Variants in ZNF423 observed in about 807,000 individuals in gnomAD.
The protein encoded by ZNF423 is zinc finger protein 423.
ZNF423 carries 12 observed loss-of-function variants against 95.8 expected under a neutral mutation model. That is an observed-to-expected ratio of 0.13 (90% confidence interval 0.08 to 0.20). ZNF423 has a LOEUF of 0.20. Among genes scored for constraint, ZNF423 ranks in the 10% least tolerant of loss-of-function variants. The pLI is 1.00. For missense variants in ZNF423, 1,316 were observed against 1,737.1 expected, an observed-to-expected ratio of 0.76 and a Z score of 4.31; for synonymous variants, 749 against 711.9, an observed-to-expected ratio of 1.05 and a Z score of -0.83.
intron 1 of ZNF423, among the ~76,000 whole-genome samples, chr16:49,849,575 G>GT (rs2035280182): frequency 6.6e-6 from 1 of 152,140 alleles, no homozygotes; most frequent in Non-Finnish European, 1.5e-5. Flanking sequence ...TAATGATGTG[G>GT]TTGCCTTTGA....
intron 1 of ZNF423, among the ~76,000 whole-genome samples, chr16:49,843,841 C>A (rs988636721): frequency 6.6e-6 from 1 of 152,042 alleles, no homozygotes; most frequent in African/African-American, 2.4e-5. Context: ...GACCACCCCC[C>A]CTCCAAAGAT....
chr16:49,635,617 C>A lies in ZNF423; in HGVS notation c.3516+43G>T, dbSNP rs781194155. 3 of 1,511,426 alleles carry A rather than the reference C, an allele frequency of 2.0e-6. No individual in the cohort carries two copies. In the Admixed American group the frequency reaches 7.1e-5, roughly 36 times the overall value. The allele number at this position is 1,511,426 out of a possible 1,614,324, so 93.6% of individuals were successfully genotyped here. A position where few individuals can be genotyped will look rare whatever the true frequency, so the allele number is the denominator to read the frequency against. On this transcript the variant is annotated intron_variant, in intron 4 of 7. Transcript: ENST00000563137. This position sits in a 1 kb window ranked among gnomAD's most constrained non-coding sequence, Gnocchi z 4.8. ...GCTCCTGTGGGGACCAGAGGAGCCC[C>A]AAGGAGAGGAGCAGGGAGCAGGATG...
At chr16:49,596,722 G>A (rs1020406123) in intron 5 of ZNF423, among the ~76,000 whole-genome samples, 4 of 151,988 alleles carry the variant, frequency 2.6e-5, no homozygotes, top group Admixed American at 6.5e-5. Context: ...TTATCTCCCC[G>A]TGGCTGCAGG....
At chr16:49,579,178 A>G (rs1277623291) in intron 5 of ZNF423, among the ~76,000 whole-genome samples, 2 of 152,118 alleles carry the variant, frequency 1.3e-5, no homozygotes, top group Non-Finnish European at 2.9e-5. Context: ...GAAGCTGGGC[A>G]CTGGGAATAT....
At chr16:49,647,271 A>C (rs904110250) in intron 3 of ZNF423, among the ~76,000 whole-genome samples, 1 of 152,246 alleles carries the variant, frequency 6.6e-6, no homozygotes, top group African/African-American at 2.4e-5. Context: ...GTCTGATGCC[A>C]AGCACTAATG....
chr16:49,636,509 C>A lies in ZNF423; in HGVS notation c.2667G>T (p.Ala889=). The A allele has an allele frequency of 6.2e-7, 1 of 1,613,792 alleles. No homozygotes were observed. Among genetic ancestry groups the A allele is most frequent in the Non-Finnish European group, 8.5e-7 (1 of 1,180,024 alleles). The change falls in exon 4 of 8, where the codon GCG becomes GCT. Residue 889 remains alanine (A), a synonymous_variant. Transcript: ENST00000563137. The surrounding 1 kb of genome is among the most constrained non-coding windows in gnomAD (Gnocchi z 8.6). ...TGTCACAGCCGTACATGGGCTCCGA[C>A]GCGTCCACGTCATCCTCGCTGGCCT... ...SHEASEDDVD[A]SEPMYGCDIC... is the part of the protein sequence containing the mutation.
chr16:49,638,038 G>A lies in ZNF423; in HGVS notation c.1138C>T (p.Pro380Ser). 6.2e-7 allele frequency: 1 copy of A among 1,614,020 alleles called. No homozygotes were observed. The highest frequency in any genetic ancestry group is 8.5e-7 in the Non-Finnish European group (1 of 1,180,020). Residue 380 changes from proline to serine, a missense_variant, in exon 4 of 8, where the codon CCC (proline) becomes TCC (serine). Pro to Ser is a moderately conservative substitution (Grantham distance 74). Around this residue, in one of 6 missense-constraint regions of ZNF423, gnomAD observed 399 missense variants for 478.5 expected, o/e 0.83. Transcript: ENST00000563137. This position sits in a 1 kb window ranked among gnomAD's most constrained non-coding sequence, Gnocchi z 5.6. ...CGCTCCACAGAGGCGCTGGAGTCGG[G>A]TGTGGCGCTGCTCATGGAGGCCACG... The part of the protein sequence containing the change: ...GSVASMSSAT[P>S]DSSASVERGS...
intron 4 of ZNF423, among the ~76,000 whole-genome samples, chr16:49,631,767 A>G (rs369774405): frequency 6.6e-6 from 1 of 152,208 alleles, no homozygotes; most frequent in East Asian, 1.9e-4. Context: ...AGCACTGCCA[A>G]TGTTCACTGA....
At chr16:49,581,976 T>C (rs1970691071) in intron 5 of ZNF423, among the ~76,000 whole-genome samples, 1 of 152,208 alleles carries the variant, frequency 6.6e-6, no homozygotes, top group African/African-American at 2.4e-5. Flanking sequence ...AGTTTTTTCC[T>C]TCTCTCTCGC....
chr16:49,604,998 C>T (rs1971490920), intron 5 of ZNF423, among the ~76,000 whole-genome samples: 1 of 152,216 alleles, frequency 6.6e-6, no homozygotes, highest in African/African-American at 2.4e-5. Flanking sequence ...CAACTTTTGC[C>T]TCGGATGCTG....
At chr16:49,598,067 C>A (rs940109620) in intron 5 of ZNF423, among the ~76,000 whole-genome samples, 1 of 152,168 alleles carries the variant, frequency 6.6e-6, no homozygotes, top group African/African-American at 2.4e-5. Context: ...TTGTCAATCA[C>A]ACACAACCTC....
chr16:49,736,262 A>G (rs1374024809), intron 2 of ZNF423, among the ~76,000 whole-genome samples: 1 of 152,134 alleles, frequency 6.6e-6, no homozygotes, highest in Non-Finnish European at 1.5e-5. Context: ...GCCATTTTTT[A>G]GGTCAAAAAA....
At chr16:49,594,119 G>T (rs777168571) in intron 5 of ZNF423, among the ~76,000 whole-genome samples, 3 of 152,138 alleles carry the variant, frequency 2.0e-5, no homozygotes, top group Non-Finnish European at 2.9e-5. Context: ...CAGCTGGGGG[G>T]TAAACAGAAG....
chr16:49,842,398 AAGGAAGGAAGGAAGGC>A (rs1277116721), intron 1 of ZNF423, among the ~76,000 whole-genome samples: 6 of 125,580 alleles, frequency 4.8e-5, no homozygotes, highest in South Asian at 3.0e-4. Context: ...GGAAGGAAGG[AAGGAAGGAAGGAAGGC>A]AGGCAGGCAG....
chr16:49,651,015 G>T (rs1285724620), intron 3 of ZNF423, among the ~76,000 whole-genome samples: 2 of 150,464 alleles, frequency 1.3e-5, no homozygotes, highest in African/African-American at 4.9e-5. Context: ...GTCACTTTTG[G>T]CTTTTTTTTT....
intron 3 of ZNF423, among the ~76,000 whole-genome samples, chr16:49,702,903 GCACACGCA>G (rs1388972412): frequency 8.4e-6 from 1 of 118,480 alleles, no homozygotes; most frequent in African/African-American, 3.2e-5. Context: ...CTGCCTGTGT[GCACACGCA>G]CACACACACA....
chr16:49,651,825 G>A (rs1336516577), intron 3 of ZNF423, among the ~76,000 whole-genome samples: 1 of 152,192 alleles, frequency 6.6e-6, no homozygotes, highest in Non-Finnish European at 1.5e-5. Context: ...GGCTGGAATG[G>A]TTTGAGGGGA....
At chr16:49,671,259 G>C (rs1011400059) in intron 3 of ZNF423, among the ~76,000 whole-genome samples, 2 of 152,178 alleles carry the variant, frequency 1.3e-5, no homozygotes, top group Non-Finnish European at 2.9e-5. Context: ...AGGCAGTGAG[G>C]GTAAGGGACG....
In ZNF423 at chr16:49,581,776, C is replaced by T. The variant is rs1271231458; in HGVS notation, c.3601+44394G>A. Among the ~76,000 whole-genome samples, 7 of 152,234 alleles carry T rather than the reference C, an allele frequency of 4.6e-5. No homozygotes were observed. In the East Asian group the frequency reaches 1.4e-3, roughly 29 times the overall value. On this transcript the variant is annotated intron_variant, in intron 5 of 7. Transcript: ENST00000563137. ...GGTGATGAAAAGTAACATTTCTTTT[C>T]TTTCAATCCTATTAAGCAAGGCTCG...
Sources: allele counts gnomAD v4.1 joint callset (sites outside exome capture counted in the v4.1 genomes callset), GRCh38; gene constraint gnomAD v4.1.1; regional missense constraint gnomAD v4.1.1; non-coding constraint Gnocchi (gnomAD v3.1); transcripts MANE v1.5; gene names NCBI Gene and HGNC (gene_info 2026-07-23, HGNC 2026-07-21).